OXR1: variants seen among roughly 807,000 people sequenced by gnomAD.
OXR1 encodes the protein oxidation resistance 1, also known as oxidation resistance protein 1.
Under a neutral mutation model 104.6 loss-of-function variants are expected in OXR1, and 41 were observed. The ratio of observed to expected loss-of-function variants is 0.39; its 90% CI spans 0.31 to 0.51. The LOEUF is 0.51. Ranked by LOEUF, OXR1 falls within the 20% of genes least tolerant of loss-of-function variation. The pLI, the probability that OXR1 is intolerant of heterozygous loss-of-function variation, is 0.77. For missense variants in OXR1, 955 were observed against 1,031.9 expected, an observed-to-expected ratio of 0.93 and a Z score of 1.02; for synonymous variants, 348 against 348.4, an observed-to-expected ratio of 1.00 and a Z score of 0.01.
chr8:106,482,377 A>G (rs1822180069), intron 2 of OXR1, among the ~76,000 whole-genome samples: 1 of 150,014 alleles, frequency 6.7e-6, no homozygotes, highest in Non-Finnish European at 1.5e-5. Flanking sequence ...ATGATGAGGC[A>G]GTGTGGGATA....
chr8:106,403,291 G>A (rs371559173), intron 2 of OXR1, among the ~76,000 whole-genome samples: 33 of 152,344 alleles, frequency 2.2e-4, no homozygotes, highest in African/African-American at 6.0e-4. Context: ...AAGACTCAGC[G>A]TATTCTGATT....
At chr8:106,348,280 A>G (rs1187556478) in intron 1 of OXR1, among the ~76,000 whole-genome samples, 1 of 152,082 alleles carries the variant, frequency 6.6e-6, no homozygotes, top group Admixed American at 6.5e-5. Context: ...AAAGTCTGAA[A>G]AGTCTTCAGA....
rs904369038 is a variant in OXR1 at position 106,516,140 on chromosome 8, G to A, written c.24-2803G>A. Reference sequence around the variant, plus strand: ...CCTGCTCCACTAACATCACATACAAGTCTATTTCTGAAATGCTGCTCCCTC... The same window carrying A: ...CCTGCTCCACTAACATCACATACAAATCTATTTCTGAAATGCTGCTCCCTC... On this transcript the variant is annotated intron_variant, in intron 2 of 16. Transcript: ENST00000517566. Among the ~76,000 whole-genome samples the A allele has an allele frequency of 5.9e-5, 9 of 151,934 alleles. 1 individual carries two copies. The highest frequency in any genetic ancestry group is 1.7e-4 in the African/African-American group (7 of 41,350).
chr8:106,746,348 G>A (rs949233403), intron 16 of OXR1, among the ~76,000 whole-genome samples: 17 of 7,926 alleles, frequency 2.1e-3, no homozygotes, highest in African/African-American at 4.1e-3. Flanking sequence ...AGACAATAAT[G>A]TGATTATCTT....
At chr8:106,288,380 A>G (rs1812585782) in intron 1 of OXR1, among the ~76,000 whole-genome samples, 1 of 152,134 alleles carries the variant, frequency 6.6e-6, no homozygotes, top group South Asian at 2.1e-4. Flanking sequence ...CATGAACCAC[A>G]GAGGAGCAAC....
intron 1 of OXR1, among the ~76,000 whole-genome samples, chr8:106,284,568 A>G (rs1461447315): frequency 1.3e-5 from 2 of 152,192 alleles, no homozygotes; most frequent in African/African-American, 4.8e-5. Flanking sequence ...ACTTTTTAAA[A>G]AGTCTTCTAT....
At chr8:106,380,452 G>A (rs1291094590) in intron 2 of OXR1, among the ~76,000 whole-genome samples, 1 of 152,136 alleles carries the variant, frequency 6.6e-6, no homozygotes, top group African/African-American at 2.4e-5. Flanking sequence ...TTTTTACATG[G>A]ACATTGTTTT....
chr8:106,742,100 G>A (rs1287519136), intron 14 of OXR1, 122 bp from the exon 15 acceptor site: 1 of 630,260 alleles, frequency 1.6e-6, no homozygotes, highest in Non-Finnish European at 2.8e-6. Flanking sequence ...TTTTAAGTAT[G>A]ATTAGATTAA....
At chr8:106,295,686 A>G (rs530522264) in intron 1 of OXR1, among the ~76,000 whole-genome samples, 5 of 152,300 alleles carry the variant, frequency 3.3e-5, no homozygotes, top group African/African-American at 1.2e-4. Flanking sequence ...AGGTTTCTTA[A>G]CAAATCACAA....
intron 3 of OXR1, among the ~76,000 whole-genome samples, chr8:106,554,426 A>G (rs2130441118): frequency 1.3e-5 from 2 of 152,344 alleles, no homozygotes; most frequent in Admixed American, 1.3e-4. Context: ...GATCTAATGC[A>G]GGATCCTGGA....
intron 1 of OXR1, among the ~76,000 whole-genome samples, chr8:106,286,496 T>G (rs1812507684): frequency 6.6e-6 from 1 of 152,098 alleles, no homozygotes; most frequent in Non-Finnish European, 1.5e-5. Context: ...ATGTAAAAAT[T>G]TCTGTTGCCC....
At chr8:106,579,687 A>G (rs970028269) in intron 3 of OXR1, among the ~76,000 whole-genome samples, 3 of 152,166 alleles carry the variant, frequency 2.0e-5, no homozygotes, top group Non-Finnish European at 2.9e-5. Context: ...CCAAAAGCAC[A>G]TAGTAGCTAA....
chr8:106,579,296 G>A (rs528701039), intron 3 of OXR1, among the ~76,000 whole-genome samples: 2 of 152,146 alleles, frequency 1.3e-5, no homozygotes, highest in East Asian at 1.9e-4. Context: ...TTTGACATTC[G>A]AAACTCCTGA....
chr8:106,684,094 C>A (rs968293250), intron 5 of OXR1, 152 bp from the exon 6 acceptor site: 3 of 530,830 alleles, frequency 5.7e-6, no homozygotes, highest in Non-Finnish European at 6.6e-6. Context: ...TTTAAAGGTT[C>A]TTTTTTAAAA....
intron 2 of OXR1, among the ~76,000 whole-genome samples, chr8:106,426,677 T>A (rs560795377): frequency 2.0e-5 from 3 of 152,294 alleles, no homozygotes; most frequent in Admixed American, 6.5e-5. Context: ...GGCAAGTTTT[T>A]AAAACTCTTT....
At chr8:106,594,714 A>C (rs1042382719) in intron 3 of OXR1, among the ~76,000 whole-genome samples, 1 of 152,216 alleles carries the variant, frequency 6.6e-6, no homozygotes, top group African/African-American at 2.4e-5. Flanking sequence ...GATACTGATA[A>C]GAATGAACTG....
chr8:106,525,400 C>A (rs997285758), intron 3 of OXR1, among the ~76,000 whole-genome samples: 65 of 152,188 alleles, frequency 4.3e-4, no homozygotes, highest in African/African-American at 1.4e-3. Flanking sequence ...AATTGCAGAG[C>A]AAAGGCTCTT....
At chr8:106,558,909 C>A (rs1816477637) in intron 3 of OXR1, among the ~76,000 whole-genome samples, 1 of 152,180 alleles carries the variant, frequency 6.6e-6, no homozygotes, top group African/African-American at 2.4e-5. Flanking sequence ...TATATACATA[C>A]TTCTTGGAAA....
intron 1 of OXR1, among the ~76,000 whole-genome samples, chr8:106,341,747 C>G (rs1815258032): frequency 6.6e-6 from 1 of 152,070 alleles, no homozygotes; most frequent in South Asian, 2.1e-4. Context: ...CCCATTTTCC[C>G]ATTTCTGTAT....
Sources: allele counts gnomAD v4.1 joint callset (sites outside exome capture counted in the v4.1 genomes callset), GRCh38; gene constraint gnomAD v4.1.1; transcripts MANE v1.5; gene names NCBI Gene and HGNC (gene_info 2026-07-23, HGNC 2026-07-21).